Variants in SUGCT observed in about 807,000 individuals in gnomAD.
SUGCT encodes succinyl-CoA:glutarate CoA-transferase.
Under a neutral mutation model 55.0 loss-of-function variants are expected in SUGCT, and 41 were observed. The ratio of observed to expected loss-of-function variants is 0.74; its 90% CI spans 0.58 to 0.97. The LOEUF (loss-of-function observed/expected upper bound fraction) is 0.97. Ranked by LOEUF, SUGCT falls within the 50% of genes least tolerant of loss-of-function variation. The pLI is 0.00. For synonymous variants in SUGCT, 187 were observed against 200.4 expected (o/e 0.93, Z 0.56); for missense variants, 568 against 547.8 (o/e 1.04, Z -0.37).
intron 9 of SUGCT, among the ~76,000 whole-genome samples, chr7:40,324,570 A>T (rs553933420): frequency 6.6e-6 from 1 of 151,972 alleles, no homozygotes; most frequent in Non-Finnish European, 1.5e-5. Flanking sequence ...CATAGTTTTG[A>T]CCTTAAAAAG....
chr7:40,466,200 C>T (rs1330822804), intron 11 of SUGCT, among the ~76,000 whole-genome samples: 1 of 152,170 alleles, frequency 6.6e-6, no homozygotes, highest in African/African-American at 2.4e-5. Flanking sequence ...AGTCACTATG[C>T]CTGGCTTCTA....
intron 12 of SUGCT, among the ~76,000 whole-genome samples, chr7:40,612,105 T>C (rs763851274): frequency 6.6e-6 from 1 of 152,146 alleles, no homozygotes; most frequent in Non-Finnish European, 1.5e-5. Context: ...ATTTCTATGT[T>C]CATGATGTCT....
intron 11 of SUGCT, among the ~76,000 whole-genome samples, chr7:40,487,154 G>A (rs1315512835): frequency 1.4e-5 from 2 of 138,082 alleles, no homozygotes; most frequent in South Asian, 2.2e-4. Context: ...GCACGATCTC[G>A]GCTCACTGCA....
At chr7:41,005,932 G>A in the SUGCT span, among the ~76,000 whole-genome samples, 1 of 152,140 alleles carries the variant, frequency 6.6e-6, no homozygotes, top group Admixed American at 6.5e-5. Context: ...AGACTGCAAC[G>A]TTCATTCACA....
chr7:40,807,372 T>C (rs1791159263), intron 13 of SUGCT, among the ~76,000 whole-genome samples: 1 of 152,102 alleles, frequency 6.6e-6, no homozygotes, highest in African/African-American at 2.4e-5. Context: ...TCTCACAGGA[T>C]AAAACTGCAA....
At chr7:40,267,343 C>T (rs1321638910) in intron 7 of SUGCT, among the ~76,000 whole-genome samples, 2 of 151,878 alleles carry the variant, frequency 1.3e-5, no homozygotes, top group Non-Finnish European at 2.9e-5. Context: ...TGACCATGAA[C>T]AAAATAAAAA....
At chr7:40,202,835 C>T (rs1268291204) in intron 6 of SUGCT, among the ~76,000 whole-genome samples, 1 of 152,204 alleles carries the variant, frequency 6.6e-6, no homozygotes, top group Non-Finnish European at 1.5e-5. Flanking sequence ...AATTCCTTTT[C>T]AGATAAACTC....
At chr7:40,139,286 C>T (rs1257903926) in intron 1 of SUGCT, among the ~76,000 whole-genome samples, 1 of 152,198 alleles carries the variant, frequency 6.6e-6, no homozygotes, top group East Asian at 1.9e-4. Flanking sequence ...CAACCTCCAC[C>T]TCCTGGGTTC....
intron 12 of SUGCT, among the ~76,000 whole-genome samples, chr7:40,737,652 T>C (rs543599538): frequency 1.6e-4 from 24 of 152,302 alleles, no homozygotes; most frequent in African/African-American, 5.1e-4. Context: ...GGTAGGGGGA[T>C]AACTGGATCC....
intron 11 of SUGCT, among the ~76,000 whole-genome samples, chr7:40,494,694 A>G (rs1486788100): frequency 6.6e-6 from 1 of 152,190 alleles, no homozygotes; most frequent in African/African-American, 2.4e-5. Context: ...GATAGGATTG[A>G]TTAGACTCCT....
chr7:40,715,278 C>T (rs966830010), intron 12 of SUGCT, among the ~76,000 whole-genome samples: 9 of 152,112 alleles, frequency 5.9e-5, no homozygotes, highest in Admixed American at 1.3e-4. Context: ...GGTATTGATG[C>T]GGGGTGGGAT....
rs896215983 is a variant in SUGCT at position 40,459,180 on chromosome 7, T to C, written c.968T>C (p.Ile323Thr). 1 of 1,601,918 alleles carries C rather than the reference T, an allele frequency of 6.2e-7. No individual in the cohort carries two copies. The highest frequency in any genetic ancestry group is 8.5e-7 in the Non-Finnish European group (1 of 1,170,260). The change falls in exon 11 of 14, where the codon ATT (isoleucine) becomes ACT (threonine). Residue 323 changes from isoleucine (I) to threonine (T), a missense_variant. Physicochemically the swap from Ile to Thr is moderately conservative, Grantham distance 89. Coordinates refer to ENST00000335693, the MANE Select transcript of SUGCT (RefSeq NM_001193313.2). ...CGGGTACACAATAGAAAAGAGCTTA[T>C]TAAAATATTATCTGAACGGTAAGTT... ...HLRVHNRKEL[I>T]KILSERFEEE... is the part of the protein sequence containing the mutation.
At chr7:40,160,935 T>C (rs968986741) in intron 1 of SUGCT, among the ~76,000 whole-genome samples, 2 of 152,088 alleles carry the variant, frequency 1.3e-5, no homozygotes, top group African/African-American at 4.8e-5. Flanking sequence ...CACACACACA[T>C]ATATATAATA....
At chr7:40,457,455 T>A (rs532519550) in intron 10 of SUGCT, among the ~76,000 whole-genome samples, 2 of 151,946 alleles carry the variant, frequency 1.3e-5, no homozygotes, top group Non-Finnish European at 2.9e-5. Context: ...AAAAAAAATA[T>A]CTTTTGGGGG....
At chr7:40,415,235 A>ACTC (rs1278448377) in intron 9 of SUGCT, among the ~76,000 whole-genome samples, 1 of 142,802 alleles carries the variant, frequency 7.0e-6, no homozygotes, top group African/African-American at 2.6e-5. Flanking sequence ...GTGCCACTGC[A>ACTC]CTCCAACGTG....
At chr7:40,372,025 T>A (rs1383745043) in intron 9 of SUGCT, among the ~76,000 whole-genome samples, 6 of 151,682 alleles carry the variant, frequency 4.0e-5, no homozygotes, top group Non-Finnish European at 7.4e-5. Flanking sequence ...TTAAACAAAA[T>A]CAGGATTATG....
At chr7:40,419,718 T>C (rs1656691477) in intron 9 of SUGCT, among the ~76,000 whole-genome samples, 2 of 152,174 alleles carry the variant, frequency 1.3e-5, no homozygotes, top group Non-Finnish European at 2.9e-5. Flanking sequence ...ATCCCAGAGA[T>C]AGTGGGGGAA....
chr7:40,232,020 C>T (rs1313645168), intron 6 of SUGCT, among the ~76,000 whole-genome samples: 3 of 152,078 alleles, frequency 2.0e-5, no homozygotes, highest in African/African-American at 7.2e-5. Flanking sequence ...TGGATTGCTT[C>T]AACCCAGGAG....
chr7:40,834,888 C>T (rs1484536782), intron 13 of SUGCT, among the ~76,000 whole-genome samples: 1 of 152,154 alleles, frequency 6.6e-6, no homozygotes, highest in Non-Finnish European at 1.5e-5. Context: ...TCGGGGTCTT[C>T]TCCACCCTGC....
Sources: allele counts gnomAD v4.1 joint callset (sites outside exome capture counted in the v4.1 genomes callset), GRCh38; gene constraint gnomAD v4.1.1; transcripts MANE v1.5; gene names NCBI Gene and HGNC (gene_info 2026-07-23, HGNC 2026-07-21).